Variants in PCDH15 observed in about 807,000 individuals in gnomAD.
PCDH15 encodes the protein protocadherin-15.
In PCDH15, 129 loss-of-function variants were observed where a neutral mutation model predicts 178.5. The ratio of observed to expected loss-of-function variants is 0.72; its 90% CI spans 0.63 to 0.84. The LOEUF (loss-of-function observed/expected upper bound fraction) is 0.84, where lower values mean the gene tolerates loss of function less well. Ranked by LOEUF, PCDH15 falls within the 40% of genes least tolerant of loss-of-function variation. The pLI, the probability that PCDH15 is intolerant of heterozygous loss-of-function variation, is 0.00. For missense variants in PCDH15, 2,230 were observed against 2,099.9 expected (o/e 1.06, Z -1.21); for synonymous variants, 800 against 732.0 (o/e 1.09, Z -1.50).
chr10:54,073,223 C>A (rs1236144169), intron 17 of PCDH15, among the ~76,000 whole-genome samples: 1 of 149,750 alleles, frequency 6.7e-6, no homozygotes, highest in East Asian at 2.0e-4. Flanking sequence ...TATAGTATAC[C>A]TGTATACTAT....
chr10:54,133,029 G>A (rs1237150625), intron 14 of PCDH15, 22 bp from the exon 15 acceptor site: 2 of 1,613,716 alleles, frequency 1.2e-6, no homozygotes, highest in African/African-American at 2.7e-5. Flanking sequence ...GAGAGGAAAA[G>A]AAGATGGTTA....
chr10:54,926,692 T>G (rs949343446), intron 2 of PCDH15, among the ~76,000 whole-genome samples: 2 of 152,040 alleles, frequency 1.3e-5, no homozygotes, highest in African/African-American at 4.8e-5. Flanking sequence ...AGGGTATATG[T>G]GTTCAAAAAT....
At chr10:53,930,167 C>A (rs2084918890) in intron 25 of PCDH15, among the ~76,000 whole-genome samples, 1 of 151,990 alleles carries the variant, frequency 6.6e-6, no homozygotes, top group Admixed American at 6.6e-5. Context: ...TTAGAAATAG[C>A]AACGCATTCG....
chr10:54,446,103 C>T lies in PCDH15; in HGVS notation c.158-67161G>A, dbSNP rs565319068. The stretch of plus-strand genomic sequence containing the variant: ...AAGTAAAAAGCCTTCATATGTTTCT[C>T]CTCTGATTCTTCTTAGGCCCAGCAT... On this transcript the variant is annotated intron_variant, in intron 3 of 37. Transcript: ENST00000644397. Among the ~76,000 whole-genome samples, 5 of 151,598 alleles carry T rather than the reference C, an allele frequency of 3.3e-5. No homozygotes were observed. The South Asian group carries it at 1.0e-3, about 31-fold the overall frequency.
At chr10:54,307,882 C>T (rs2060650397) in intron 8 of PCDH15, among the ~76,000 whole-genome samples, 1 of 151,974 alleles carries the variant, frequency 6.6e-6, no homozygotes, top group South Asian at 2.1e-4. Context: ...TCTGAGTAAA[C>T]ACCAAGCAGA....
chr10:54,274,979 G>T (rs750890008), intron 8 of PCDH15, among the ~76,000 whole-genome samples: 1 of 151,768 alleles, frequency 6.6e-6, no homozygotes, highest in Non-Finnish European at 1.5e-5. Context: ...TTTTCAAATT[G>T]CACAGCATTA....
At chr10:53,879,927 C>T (rs957716874) in intron 26 of PCDH15, among the ~76,000 whole-genome samples, 1 of 152,202 alleles carries the variant, frequency 6.6e-6, no homozygotes, top group Admixed American at 6.6e-5. Context: ...GCTGGTATCA[C>T]AGGCTTGAGC....
chr10:53,927,073 A>T (rs1257006130), intron 25 of PCDH15, among the ~76,000 whole-genome samples: 1 of 152,116 alleles, frequency 6.6e-6, no homozygotes, highest in Admixed American at 6.5e-5. Context: ...AAATAAAGGG[A>T]ACAGAGTTGT....
intron 5 of PCDH15, among the ~76,000 whole-genome samples, chr10:54,358,869 G>A (rs1192862740): frequency 6.6e-6 from 1 of 151,850 alleles, no homozygotes; most frequent in Admixed American, 6.6e-5. Context: ...TAGGGACATG[G>A]ATGAAACTGG....
At chr10:54,469,692 CTG>C in intron 3 of PCDH15, among the ~76,000 whole-genome samples, 1 of 152,190 alleles carries the variant, frequency 6.6e-6, no homozygotes, top group African/African-American at 2.4e-5. Flanking sequence ...TCTGTTGTCC[CTG>C]TGTGGCTTGC....
intron 2 of PCDH15, among the ~76,000 whole-genome samples, chr10:54,547,398 T>C (rs12240858): frequency 0.26 from 39,888 of 151,988 alleles, 5,573 homozygotes; most frequent in East Asian, 0.33. Flanking sequence ...AGCTTAAAAA[T>C]CAATAATACT....
chr10:54,234,491 T>G (rs1307699197), intron 9 of PCDH15, among the ~76,000 whole-genome samples: 2 of 152,084 alleles, frequency 1.3e-5, no homozygotes, highest in Admixed American at 6.6e-5. Context: ...AAGTCGAAGC[T>G]TCAATGAGCT....
intron 2 of PCDH15, among the ~76,000 whole-genome samples, chr10:55,478,970 T>C (rs1201214804): frequency 1.3e-5 from 2 of 149,020 alleles, no homozygotes; most frequent in East Asian, 3.9e-4. Flanking sequence ...AAACTAATAA[T>C]GATTAATGAG....
chr10:54,156,180 C>T (rs991020518), intron 13 of PCDH15, among the ~76,000 whole-genome samples: 4 of 151,856 alleles, frequency 2.6e-5, no homozygotes, highest in Non-Finnish European at 5.9e-5. Flanking sequence ...TATTTCTTTT[C>T]GATGATGTTT....
At chr10:54,949,063 AC>A (rs777391690) in intron 2 of PCDH15, among the ~76,000 whole-genome samples, 8 of 151,962 alleles carry the variant, frequency 5.3e-5, no homozygotes. Context: ...ATGGAGGAAA[AC>A]ATATATAATA....
intron 2 of PCDH15, among the ~76,000 whole-genome samples, chr10:54,967,249 TTGAC>T (rs1268124387): frequency 2.0e-5 from 3 of 152,152 alleles, no homozygotes; most frequent in African/African-American, 4.8e-5. Context: ...TGGTGAGTCA[TTGAC>T]TGAAACATTA....
Position 55,341,663 on chromosome 10 carries a change from G to A in PCDH15, c.-155-175012C>T, listed in dbSNP as rs577393332. ...TGGCTTACTCCAACCACCCGCTCCC[G>A]GGTTCAAGTGATTCTCTAGCCTCAG... On this transcript the variant is annotated intron_variant, in intron 2 of 5. Transcript: ENST00000613346. 1.5e-3 allele frequency among the ~76,000 whole-genome samples: 215 copies of A among 146,990 alleles called. 1 individual carries two copies. The highest frequency in any genetic ancestry group is 5.7e-3 in the South Asian group (26 of 4,578).
intron 2 of PCDH15, among the ~76,000 whole-genome samples, chr10:55,342,876 T>C (rs866416932): frequency 1.3e-5 from 2 of 152,146 alleles, no homozygotes; most frequent in South Asian, 4.1e-4. Flanking sequence ...TTGTCTGTTC[T>C]CCAGAAGGAC....
chr10:54,301,092 A>T (rs1265394245), intron 8 of PCDH15, among the ~76,000 whole-genome samples: 1 of 149,194 alleles, frequency 6.7e-6, no homozygotes, highest in Non-Finnish European at 1.5e-5. Context: ...GACACATCTG[A>T]ACATCCAAAG....
Sources: gnomAD v4.1 joint callset for allele counts (sites outside exome capture counted in the v4.1 genomes callset) on GRCh38, gnomAD v4.1.1 for gene constraint, MANE v1.5 for transcripts, NCBI Gene and HGNC (gene_info 2026-07-23, HGNC 2026-07-21) for gene names.